The following GRID2 variants were observed in gnomAD, a reference collection of about 807,000 sequenced individuals.
GRID2 encodes glutamate receptor ionotropic, delta-2.
GRID2 carries 33 observed loss-of-function variants against 114.8 expected under a neutral mutation model. The observed-to-expected ratio is 0.29, with a 90% CI of 0.22 to 0.38. The LOEUF is 0.38. Ranked by LOEUF, GRID2 falls within the 10% of genes least tolerant of loss-of-function variation. The pLI is 1.00. For missense variants in GRID2, 1,184 were observed against 1,257.7 expected (o/e 0.94, Z 0.89); for synonymous variants, 505 against 449.9 (o/e 1.12, Z -1.55).
At chr4:93,734,745 G>T (rs1387728811) in intron 14 of GRID2, among the ~76,000 whole-genome samples, 1 of 151,916 alleles carries the variant, frequency 6.6e-6, no homozygotes, top group Non-Finnish European at 1.5e-5. Flanking sequence ...TGCCAGGATG[G>T]TCTACAGAAA....
intron 2 of GRID2, among the ~76,000 whole-genome samples, chr4:92,654,463 G>A (rs911045207): frequency 6.6e-6 from 1 of 152,068 alleles, no homozygotes; most frequent in African/African-American, 2.4e-5. Context: ...AAACTCATGA[G>A]TGGCATTATA....
intron 14 of GRID2, among the ~76,000 whole-genome samples, chr4:93,662,296 T>C (rs72873054): frequency 6.6e-6 from 1 of 152,074 alleles, no homozygotes; most frequent in African/African-American, 2.4e-5. Context: ...GCTTTGTTGT[T>C]CTCTATGGCA....
chr4:93,054,050 G>T (rs1726185244), intron 2 of GRID2, among the ~76,000 whole-genome samples: 1 of 151,902 alleles, frequency 6.6e-6, no homozygotes, highest in Non-Finnish European at 1.5e-5. Flanking sequence ...GGCAGTGTTA[G>T]CCATATATTA....
intron 2 of GRID2, among the ~76,000 whole-genome samples, chr4:92,779,690 C>A (rs538556959): frequency 6.6e-6 from 1 of 152,130 alleles, no homozygotes; most frequent in South Asian, 2.1e-4. Context: ...AGAACATGTG[C>A]AAGATATCTC....
chr4:93,369,556 A>G (rs570004472), intron 8 of GRID2, among the ~76,000 whole-genome samples: 23 of 152,182 alleles, frequency 1.5e-4, no homozygotes, highest in African/African-American at 5.5e-4. Flanking sequence ...GTGGACAGTC[A>G]TGGCTCACTG....
At chr4:93,125,276 G>A (rs972486438) in intron 4 of GRID2, among the ~76,000 whole-genome samples, 3 of 151,812 alleles carry the variant, frequency 2.0e-5, no homozygotes, top group Non-Finnish European at 4.4e-5. Flanking sequence ...TCTATGCAAA[G>A]TTTTGCATAT....
intron 2 of GRID2, among the ~76,000 whole-genome samples, chr4:92,988,155 G>A (rs1346592748): frequency 6.6e-6 from 1 of 152,100 alleles, no homozygotes; most frequent in Admixed American, 6.5e-5. Context: ...ATCCAGGAAT[G>A]GCTCAGCTGG....
intron 8 of GRID2, among the ~76,000 whole-genome samples, chr4:93,380,799 G>T (rs148099463): frequency 2.5e-4 from 38 of 152,066 alleles, no homozygotes; most frequent in Admixed American, 1.3e-3. Flanking sequence ...ATACTCTAAA[G>T]CATATTGTCT....
At chr4:93,468,715 A>G (rs1724522671) in intron 11 of GRID2, among the ~76,000 whole-genome samples, 1 of 152,046 alleles carries the variant, frequency 6.6e-6, no homozygotes, top group South Asian at 2.1e-4. Context: ...CTCTGAGAGG[A>G]ATGGAGAATT....
chr4:93,039,325 G>T (rs1462551192), intron 2 of GRID2, among the ~76,000 whole-genome samples: 1 of 151,814 alleles, frequency 6.6e-6, no homozygotes, highest in Non-Finnish European at 1.5e-5. Flanking sequence ...TCTGGGGGTG[G>T]GTGGCTAGGG....
chr4:92,606,920 A>T (rs554035024), intron 2 of GRID2, among the ~76,000 whole-genome samples: 1 of 152,122 alleles, frequency 6.6e-6, no homozygotes, highest in South Asian at 2.1e-4. Flanking sequence ...GCTTCTGTGC[A>T]TTGCAAGATA....
intron 10 of GRID2, among the ~76,000 whole-genome samples, chr4:93,429,166 G>C (rs1048737524): frequency 6.6e-6 from 1 of 152,084 alleles, no homozygotes; most frequent in Non-Finnish European, 1.5e-5. Context: ...TTCTTTTTCT[G>C]TCTGATATCT....
At chr4:93,200,252 C>A (rs1741931373) in intron 4 of GRID2, among the ~76,000 whole-genome samples, 1 of 152,140 alleles carries the variant, frequency 6.6e-6, no homozygotes, top group Non-Finnish European at 1.5e-5. Context: ...GAAAGAAGCA[C>A]AAGTATCACC....
intron 14 of GRID2, among the ~76,000 whole-genome samples, chr4:93,721,772 A>G (rs1729392999): frequency 6.6e-6 from 1 of 152,152 alleles, no homozygotes; most frequent in Admixed American, 6.6e-5. Context: ...AATTGCTAAA[A>G]TTTGTCTCCA....
intron 2 of GRID2, among the ~76,000 whole-genome samples, chr4:93,083,146 C>G (rs781407418): frequency 1.3e-5 from 2 of 152,008 alleles, no homozygotes; most frequent in Admixed American, 6.6e-5. Context: ...AAGGCACTTT[C>G]TTATTTTGAT....
intron 2 of GRID2, among the ~76,000 whole-genome samples, chr4:92,810,205 C>T (rs1740603615): frequency 6.6e-6 from 1 of 150,512 alleles, no homozygotes; most frequent in Admixed American, 6.6e-5. Flanking sequence ...CATTCAGTTA[C>T]AGTTTCTAAT....
chr4:92,871,610 G>A (rs1160098206), intron 2 of GRID2, among the ~76,000 whole-genome samples: 2 of 152,126 alleles, frequency 1.3e-5, no homozygotes, highest in African/African-American at 4.8e-5. Flanking sequence ...CAAGGAGCAG[G>A]GAAGAGGGTA....
At chr4:93,262,044 T>A (rs921753813) in intron 8 of GRID2, among the ~76,000 whole-genome samples, 1 of 151,350 alleles carries the variant, frequency 6.6e-6, no homozygotes, top group Non-Finnish European at 1.5e-5. Context: ...TTAAAGAAAC[T>A]TGGAGAAATA....
intron 14 of GRID2, among the ~76,000 whole-genome samples, chr4:93,663,054 A>T (rs1273048249): frequency 1.3e-5 from 2 of 152,320 alleles, no homozygotes; most frequent in Middle Eastern, 3.4e-3. Context: ...AGAGAGACAC[A>T]GATAAATGGA....
Sources: gnomAD v4.1 joint callset for allele counts (sites outside exome capture counted in the v4.1 genomes callset) on GRCh38, gnomAD v4.1.1 for gene constraint, MANE v1.5 for transcripts, NCBI Gene and HGNC (gene_info 2026-07-23, HGNC 2026-07-21) for gene names.